Variants in TMEM178A observed in about 807,000 individuals in gnomAD.
TMEM178A encodes transmembrane protein 178A, also known as transmembrane protein 178.
Under a neutral mutation model 29.1 loss-of-function variants are expected in TMEM178A, and 12 were observed. The ratio of observed to expected loss-of-function variants is 0.41; its 90% CI spans 0.26 to 0.67. TMEM178A has a LOEUF of 0.67. TMEM178A is among the 30% of genes least tolerant of loss of function. The pLI is 0.29. For missense variants in TMEM178A, 366 were observed against 419.1 expected (o/e 0.87, Z 1.11); for synonymous variants, 210 against 187.2 (o/e 1.12, Z -0.99).
At chr2:39,670,812 T>G (rs1670380788) in intron 1 of TMEM178A, among the ~76,000 whole-genome samples, 1 of 152,248 alleles carries the variant, frequency 6.6e-6, no homozygotes, top group South Asian at 2.1e-4. Context: ...CATTAGAAGT[T>G]CAGCTATTCA....
At chr2:39,716,231 T>G (rs1251655349) in intron 3 of TMEM178A, among the ~76,000 whole-genome samples, 1 of 152,214 alleles carries the variant, frequency 6.6e-6, no homozygotes, top group Non-Finnish European at 1.5e-5. Context: ...AGCACCTATA[T>G]CCACATGAAT....
Position 39,666,166 on chromosome 2 carries a change from C to A in TMEM178A, c.192C>A (p.His64Gln). The change falls in exon 1 of 4, where the codon CAC becomes CAA. Residue 64 changes from histidine (H) to glutamine (Q), a missense_variant. His to Gln is a conservative substitution (Grantham distance 24). This residue lies in a region of TMEM178A where 247 missense variants were observed against 246.8 expected (regional missense o/e 1.00). Coordinates refer to ENST00000281961, the MANE Select transcript of TMEM178A (RefSeq NM_152390.3). ...DQKNRLMPLSHLPLRDSPPLG... is the reference protein window; with the variant it reads ...DQKNRLMPLSQLPLRDSPPLG... ...AGAACCGCCTGATGCCGCTGTCGCACCTGCCGCTGCGGGACTCGCCCCCGC... is the reference window on the plus strand; with the variant it reads ...AGAACCGCCTGATGCCGCTGTCGCAACTGCCGCTGCGGGACTCGCCCCCGC... The A allele has an allele frequency of 3.4e-6, 5 of 1,489,738 alleles. No homozygotes were observed. The highest frequency in any genetic ancestry group is 4.4e-6 in the Non-Finnish European group (5 of 1,125,246). The allele number at this position is 1,489,738 out of a possible 1,614,324, so 92.3% of individuals were successfully genotyped here. A position where few individuals can be genotyped will look rare whatever the true frequency, so the allele number is the denominator to read the frequency against.
the TMEM178A span, among the ~76,000 whole-genome samples, chr2:39,732,672 C>T: frequency 3.6e-3 from 544 of 152,280 alleles, 2 homozygotes; most frequent in African/African-American, 0.012. Context: ...AGCTGTGCTT[C>T]CTCTACTGGG....
At chr2:39,665,886 G>T, upstream of TMEM178A, 1 of 1,192,770 alleles carries the variant, frequency 8.4e-7, no homozygotes, top group Non-Finnish European at 1.1e-6. Flanking sequence ...GGGGGAAGAG[G>T]GAGGGAGCGG....
At chr2:39,689,917 G>A (rs1671240104) in intron 1 of TMEM178A, among the ~76,000 whole-genome samples, 1 of 152,236 alleles carries the variant, frequency 6.6e-6, no homozygotes, top group African/African-American at 2.4e-5. Flanking sequence ...CACCTTACCT[G>A]TGTCACATCT....
intron 2 of TMEM178A, among the ~76,000 whole-genome samples, chr2:39,705,597 C>G (rs1377559532): frequency 1.3e-5 from 2 of 152,174 alleles, no homozygotes; most frequent in African/African-American, 2.4e-5. Flanking sequence ...CAGAAATACT[C>G]TCTTTTAATT....
At chr2:39,728,479 T>C in the TMEM178A span, among the ~76,000 whole-genome samples, 1 of 152,206 alleles carries the variant, frequency 6.6e-6, no homozygotes, top group Non-Finnish European at 1.5e-5. Context: ...TGTTCTTTTC[T>C]GGGCCACACT....
At chr2:39,706,942 C>A in intron 2 of TMEM178A, 107 bp from the exon 3 acceptor site, 1 of 1,334,046 alleles carries the variant, frequency 7.5e-7, no homozygotes, top group Non-Finnish European at 1.0e-6. Flanking sequence ...CTAAGCCTGT[C>A]CATGTAACTT....
chr2:39,684,469 C>T (rs978968763), intron 1 of TMEM178A, among the ~76,000 whole-genome samples: 1 of 152,174 alleles, frequency 6.6e-6, no homozygotes, highest in Non-Finnish European at 1.5e-5. Flanking sequence ...GTGAAATATA[C>T]TGCTTTGTAT....
chr2:39,681,013 T>C (rs949013174), intron 1 of TMEM178A, among the ~76,000 whole-genome samples: 3 of 152,190 alleles, frequency 2.0e-5, no homozygotes, highest in Non-Finnish European at 4.4e-5. Flanking sequence ...TTTCCTTGAA[T>C]GTTATTTCTA....
the TMEM178A span, among the ~76,000 whole-genome samples, chr2:39,725,721 A>G: frequency 6.6e-6 from 1 of 152,194 alleles, no homozygotes; most frequent in Non-Finnish European, 1.5e-5. Flanking sequence ...TGTGAAGCCG[A>G]CTTGCTGCCT....
chr2:39,718,624 G>C (rs984096431), downstream of TMEM178A, among the ~76,000 whole-genome samples: 1 of 152,164 alleles, frequency 6.6e-6, no homozygotes, highest in Non-Finnish European at 1.5e-5. Flanking sequence ...GCTCTATGAG[G>C]TAAGTGCTGT....
intron 1 of TMEM178A, among the ~76,000 whole-genome samples, chr2:39,703,253 T>C (rs899207236): frequency 1.3e-5 from 2 of 152,198 alleles, no homozygotes; most frequent in Non-Finnish European, 2.9e-5. Flanking sequence ...GAGAACATTT[T>C]ATAAGTTTTT....
intron 1 of TMEM178A, among the ~76,000 whole-genome samples, chr2:39,670,588 G>A (rs1670372057): frequency 6.6e-6 from 1 of 152,332 alleles, no homozygotes; most frequent in South Asian, 2.1e-4. Context: ...ACTCCTAGCT[G>A]TTCTCTCCCA....
the TMEM178A span, among the ~76,000 whole-genome samples, chr2:39,735,442 T>C: frequency 6.6e-6 from 1 of 152,208 alleles, no homozygotes; most frequent in Middle Eastern, 3.2e-3. Flanking sequence ...AGGGCTCGTA[T>C]TCCTCAGGTT....
At chr2:39,702,875 A>C (rs116464297) in intron 1 of TMEM178A, among the ~76,000 whole-genome samples, 5,261 of 152,210 alleles carry the variant, frequency 0.035, 113 homozygotes, top group Non-Finnish European at 0.04. Context: ...CTTTTGATTC[A>C]GTATATCTGG....
intron 2 of TMEM178A, among the ~76,000 whole-genome samples, chr2:39,706,570 C>T (rs1018376952): frequency 6.6e-6 from 1 of 152,168 alleles, no homozygotes; most frequent in African/African-American, 2.4e-5. Flanking sequence ...TTTTTAGGCT[C>T]TTTCTCCAAA....
At chr2:39,719,155 C>T (rs1440907733), downstream of TMEM178A, among the ~76,000 whole-genome samples, 2 of 152,134 alleles carry the variant, frequency 1.3e-5, no homozygotes, top group Non-Finnish European at 2.9e-5. Context: ...TATACTGGTC[C>T]CTCTGGATGA....
At chr2:39,668,270 C>G (rs1196694808) in intron 1 of TMEM178A, among the ~76,000 whole-genome samples, 3 of 152,220 alleles carry the variant, frequency 2.0e-5, no homozygotes, top group Non-Finnish European at 4.4e-5. Flanking sequence ...AAATGGTTGT[C>G]TAGCCCAGTA....
Sources: gnomAD v4.1 joint callset for allele counts (sites outside exome capture counted in the v4.1 genomes callset) on GRCh38, gnomAD v4.1.1 for gene constraint, gnomAD v4.1.1 regional missense constraint, MANE v1.5 for transcripts, NCBI Gene and HGNC (gene_info 2026-07-23, HGNC 2026-07-21) for gene names.